Variants in PRR16 observed in about 807,000 individuals in gnomAD.
PRR16 encodes the protein protein Largen.
In PRR16, 6 loss-of-function variants were observed where a neutral mutation model predicts 18.2. The ratio of observed to expected loss-of-function variants is 0.33; its 90% CI spans 0.18 to 0.65. The LOEUF is 0.65. Ranked by LOEUF, PRR16 falls within the 30% of genes least tolerant of loss-of-function variation. The probability of loss-of-function intolerance (pLI) is 0.74; values close to 1 mark genes in which losing one functional copy is unlikely to be tolerated. For synonymous variants in PRR16, 151 were observed against 147.8 expected, an observed-to-expected ratio of 1.02 and a Z score of -0.16; for missense variants, 412 against 376.6, an observed-to-expected ratio of 1.09 and a Z score of -0.78.
At chr5:120,640,613 T>G (rs984779266) in intron 1 of PRR16, among the ~76,000 whole-genome samples, 4 of 152,148 alleles carry the variant, frequency 2.6e-5, no homozygotes, top group African/African-American at 9.7e-5. Context: ...TTGCATGTAC[T>G]TGTCAGTGGA....
the PRR16 span, among the ~76,000 whole-genome samples, chr5:120,703,053 A>G: frequency 6.6e-6 from 1 of 152,172 alleles, no homozygotes; most frequent in African/African-American, 2.4e-5. Context: ...CTGAGTCCGA[A>G]AAGAGAGTCA....
chr5:120,721,190 C>G, the PRR16 span, among the ~76,000 whole-genome samples: 2 of 151,980 alleles, frequency 1.3e-5, no homozygotes, highest in African/African-American at 4.8e-5. Context: ...TTATTTACTA[C>G]AGATTTTTCT....
intron 1 of PRR16, among the ~76,000 whole-genome samples, chr5:120,523,003 T>G (rs917626817): frequency 8.5e-5 from 13 of 152,198 alleles, no homozygotes; most frequent in Non-Finnish European, 1.6e-4. Flanking sequence ...TAGGAGTCAT[T>G]TTTATATTAA....
the PRR16 span, among the ~76,000 whole-genome samples, chr5:120,740,101 C>T: frequency 6.6e-6 from 1 of 152,218 alleles, no homozygotes; most frequent in South Asian, 2.1e-4. Context: ...ATGATTATTA[C>T]TTCTAAAATA....
chr5:120,594,138 G>C (rs942392441), intron 1 of PRR16, among the ~76,000 whole-genome samples: 21 of 152,070 alleles, frequency 1.4e-4, no homozygotes, highest in African/African-American at 5.1e-4. Context: ...CATAGTATTG[G>C]AAGTCCTGGC....
At chr5:120,793,096 G>C in the PRR16 span, among the ~76,000 whole-genome samples, 5 of 152,122 alleles carry the variant, frequency 3.3e-5, no homozygotes, top group African/African-American at 4.8e-5. Context: ...AGTTTGCAGC[G>C]AACCAAGATT....
At chr5:120,658,746 TCTG>T (rs1244929096) in intron 1 of PRR16, among the ~76,000 whole-genome samples, 1 of 151,970 alleles carries the variant, frequency 6.6e-6, no homozygotes, top group Non-Finnish European at 1.5e-5. Context: ...CGTAAATAAA[TCTG>T]CTCCCATTTT....
the PRR16 span, among the ~76,000 whole-genome samples, chr5:120,774,920 C>A: frequency 6.6e-6 from 1 of 152,128 alleles, no homozygotes; most frequent in African/African-American, 2.4e-5. Context: ...CAAAAACCAG[C>A]CACTGGATTT....
chr5:120,663,003 A>C (rs976954680), intron 1 of PRR16, among the ~76,000 whole-genome samples: 1 of 152,120 alleles, frequency 6.6e-6, no homozygotes, highest in Non-Finnish European at 1.5e-5. Flanking sequence ...CCTACTGTCC[A>C]GTGTGACCCC....
the PRR16 span, among the ~76,000 whole-genome samples, chr5:120,706,773 A>G: frequency 1.3e-5 from 2 of 152,200 alleles, no homozygotes; most frequent in African/African-American, 2.4e-5. Flanking sequence ...AGAAGTTAAG[A>G]TTAGTTCAAT....
intron 1 of PRR16, among the ~76,000 whole-genome samples, chr5:120,551,982 A>C (rs1227209821): frequency 1.3e-4 from 19 of 151,982 alleles, no homozygotes; most frequent in Admixed American, 1.2e-3. Flanking sequence ...GGACCAGAAA[A>C]TAACTTTCTT....
chr5:120,732,871 G>T, the PRR16 span, among the ~76,000 whole-genome samples: 15 of 152,272 alleles, frequency 9.9e-5, no homozygotes, highest in Non-Finnish European at 1.8e-4. Flanking sequence ...GTTTTAATTA[G>T]GGAAAATCAG....
chr5:120,704,194 A>G, the PRR16 span, among the ~76,000 whole-genome samples: 11 of 152,202 alleles, frequency 7.2e-5, no homozygotes, highest in Admixed American at 7.2e-4. Context: ...GTGGTGGAGA[A>G]GGACAAAAGA....
At chr5:120,691,961 A>G (rs545625704), downstream of PRR16, among the ~76,000 whole-genome samples, 1 of 152,308 alleles carries the variant, frequency 6.6e-6, no homozygotes, top group East Asian at 1.9e-4. Context: ...CTTGGACACA[A>G]TTATTATCCA....
intron 1 of PRR16, among the ~76,000 whole-genome samples, chr5:120,490,875 A>G (rs925653131): frequency 1.3e-5 from 2 of 152,172 alleles, no homozygotes; most frequent in Admixed American, 6.5e-5. Context: ...TCTAACAGTC[A>G]GGACCCTCAG....
intron 1 of PRR16, among the ~76,000 whole-genome samples, chr5:120,478,678 G>C (rs1342494188): frequency 6.6e-6 from 1 of 152,018 alleles, no homozygotes; most frequent in Non-Finnish European, 1.5e-5. Flanking sequence ...CTCTGATTTA[G>C]GAGTGCCCAT....
intron 1 of PRR16, among the ~76,000 whole-genome samples, chr5:120,666,120 C>G (rs1299321847): frequency 2.6e-5 from 4 of 151,860 alleles, no homozygotes; most frequent in Non-Finnish European, 5.9e-5. Flanking sequence ...TCTTTGTATC[C>G]TCTTTTATAT....
the PRR16 span, among the ~76,000 whole-genome samples, chr5:120,707,120 G>C: frequency 4.6e-5 from 7 of 152,152 alleles, no homozygotes; most frequent in Non-Finnish European, 5.9e-5. Context: ...TAAACTAAAT[G>C]CTCTAAGAAA....
At chr5:120,694,220 T>A in the PRR16 span, among the ~76,000 whole-genome samples, 19 of 152,360 alleles carry the variant, frequency 1.2e-4, no homozygotes, top group South Asian at 3.9e-3. Flanking sequence ...TAGTTGATGC[T>A]AATGATATTG....
Sources: gnomAD v4.1 joint callset for allele counts (sites outside exome capture counted in the v4.1 genomes callset) on GRCh38, gnomAD v4.1.1 for gene constraint, MANE v1.5 for transcripts, NCBI Gene and HGNC (gene_info 2026-07-23, HGNC 2026-07-21) for gene names.